The following MYO3B variants were observed in gnomAD, a reference collection of about 807,000 sequenced individuals.
MYO3B encodes the protein myosin IIIB, also known as myosin-IIIb.
A neutral mutation model predicts 174.6 loss-of-function variants in MYO3B; 156 were observed. The ratio of observed to expected loss-of-function variants is 0.89; its 90% CI spans 0.78 to 1.02. The LOEUF (loss-of-function observed/expected upper bound fraction) is 1.02. MYO3B is among the 50% of genes least tolerant of loss of function. The probability of loss-of-function intolerance (pLI) is 0.00; values close to 1 mark genes in which losing one functional copy is unlikely to be tolerated. For synonymous variants in MYO3B, 563 were observed against 569.1 expected, an observed-to-expected ratio of 0.99 and a Z score of 0.15; for missense variants, 1,632 against 1,639.4, an observed-to-expected ratio of 1.00 and a Z score of 0.08.
chr2:170,492,889 G>A (rs1575068517), intron 25 of MYO3B, among the ~76,000 whole-genome samples: 2 of 152,210 alleles, frequency 1.3e-5, no homozygotes, highest in East Asian at 3.9e-4. Flanking sequence ...TGCTGACATG[G>A]GCCAGGTCTC....
At chr2:170,304,821 G>C (rs1440056976) in intron 7 of MYO3B, among the ~76,000 whole-genome samples, 4 of 151,414 alleles carry the variant, frequency 2.6e-5, no homozygotes, top group African/African-American at 9.7e-5. Context: ...ATGTATTATG[G>C]CTCTTAACCC....
At chr2:170,628,622 G>A (rs570134014) in intron 32 of MYO3B, among the ~76,000 whole-genome samples, 17 of 152,170 alleles carry the variant, frequency 1.1e-4, no homozygotes, top group Non-Finnish European at 2.1e-4. Flanking sequence ...CTTCTGCATC[G>A]TTCACGCTGG....
intron 23 of MYO3B, among the ~76,000 whole-genome samples, chr2:170,450,421 C>T (rs1683533901): frequency 6.6e-6 from 1 of 152,166 alleles, no homozygotes; most frequent in Non-Finnish European, 1.5e-5. Flanking sequence ...CACCGTAAGT[C>T]ATTCATTTAG....
Position 170,407,893 on chromosome 2 carries a change from C to G in MYO3B, c.2650+49C>G, listed in dbSNP as rs1558971782. On this transcript the variant is annotated intron_variant, in intron 22 of 34. Coordinates refer to ENST00000408978, the MANE Select transcript of MYO3B (RefSeq NM_138995.5). The stretch of plus-strand genomic sequence containing the variant: ...CCTGCTCTTAAAGCTTTTGCAAGAC[C>G]AGGTGAAATTTTCCAGTTAGTGTCT... 1.9e-6 allele frequency: 3 copies of G among 1,608,054 alleles called. No individual in the cohort carries two copies. In the African/African-American group the frequency reaches 4.0e-5, roughly 22 times the overall value.
chr2:170,202,771 G>A (rs2092676161), intron 3 of MYO3B, among the ~76,000 whole-genome samples: 1 of 152,052 alleles, frequency 6.6e-6, no homozygotes, highest in African/African-American at 2.4e-5. Context: ...CATGCTTTAG[G>A]GGACTCACAC....
rs111431055 is a variant in MYO3B at position 170,572,831 on chromosome 2, C to G, written c.3733+28843C>G. On this transcript the variant is annotated intron_variant, in intron 32 of 34. Transcript: ENST00000408978. ...TCAAATGCACAATGTAATATTATGTCGTGAATCTCCACCTGGTTTCTCACT... is the reference window on the plus strand; with the variant it reads ...TCAAATGCACAATGTAATATTATGTGGTGAATCTCCACCTGGTTTCTCACT... Among the ~76,000 whole-genome samples the G allele has an allele frequency of 3.1e-3, 479 of 152,218 alleles. 2 individuals are homozygous for G. Among genetic ancestry groups the G allele is most frequent in the African/African-American group, 0.011 (454 of 41,540 alleles).
intron 32 of MYO3B, among the ~76,000 whole-genome samples, chr2:170,583,002 C>T (rs965022748): frequency 5.3e-5 from 8 of 152,034 alleles, no homozygotes; most frequent in African/African-American, 1.4e-4. Context: ...CTGGCTGCTC[C>T]TGACAGCTCC....
intron 34 of MYO3B, 77 bp downstream of exon 34, chr2:170,652,231 T>TGCGGCGG: frequency 7.5e-7 from 1 of 1,335,632 alleles, no homozygotes; most frequent in Middle Eastern, 1.9e-4. Context: ...AATGCAAAAC[T>TGCGGCGG]TTCCAGAGAG....
chr2:170,217,805 G>A (rs764495188), intron 6 of MYO3B, among the ~76,000 whole-genome samples: 1 of 152,158 alleles, frequency 6.6e-6, no homozygotes, highest in Non-Finnish European at 1.5e-5. Flanking sequence ...GGTGGCCCTG[G>A]TTGTTTTTTT....
intron 5 of MYO3B, 109 bp downstream of exon 5, chr2:170,214,937 G>A: frequency 1.2e-6 from 1 of 804,800 alleles, no homozygotes; most frequent in Non-Finnish European, 2.1e-6. Flanking sequence ...ATAGGCTGAG[G>A]GACTTTTCCA....
chr2:170,226,042 C>T (rs1017286441), intron 6 of MYO3B, among the ~76,000 whole-genome samples: 3 of 152,188 alleles, frequency 2.0e-5, no homozygotes, highest in Non-Finnish European at 4.4e-5. Flanking sequence ...GCTTTCAGTT[C>T]TCATATTCCA....
chr2:170,400,829 G>GGTTTTTTTTT (rs60401794), intron 17 of MYO3B, among the ~76,000 whole-genome samples: 2 of 150,894 alleles, frequency 1.3e-5, no homozygotes, highest in South Asian at 2.1e-4. Flanking sequence ...TTTGAGCAGT[G>GGTTTTTTTTT]TTTTTTTCTT....
chr2:170,616,116 G>A (rs554401910), intron 32 of MYO3B, among the ~76,000 whole-genome samples: 2 of 152,126 alleles, frequency 1.3e-5, no homozygotes, highest in Non-Finnish European at 1.5e-5. Context: ...ACAAAAGCTG[G>A]TTACAAACAA....
At chr2:170,251,487 G>A (rs915632026) in intron 7 of MYO3B, among the ~76,000 whole-genome samples, 1 of 152,170 alleles carries the variant, frequency 6.6e-6, no homozygotes, top group Non-Finnish European at 1.5e-5. Flanking sequence ...TGGAAATAGG[G>A]TCTTTACAGA....
At chr2:170,639,682 C>A (rs145907344) in intron 32 of MYO3B, among the ~76,000 whole-genome samples, 96 of 152,336 alleles carry the variant, frequency 6.3e-4, no homozygotes, top group Admixed American at 1.2e-3. Context: ...CCTCCTGAGA[C>A]CGCAGAGTTT....
intron 30 of MYO3B, among the ~76,000 whole-genome samples, chr2:170,542,125 G>A (rs1277355880): frequency 6.6e-6 from 1 of 152,150 alleles, no homozygotes; most frequent in African/African-American, 2.4e-5. Context: ...TGTCACATGT[G>A]TGCGTGTGTG....
chr2:170,178,249 C>T lies in MYO3B; in HGVS notation c.-39C>T. On this transcript the variant is annotated 5_prime_UTR_variant, in exon 1 of 35. Coordinates refer to ENST00000408978, the MANE Select transcript of MYO3B (RefSeq NM_138995.5). The stretch of plus-strand genomic sequence containing the variant: ...TGCTGGTTTTTGGAGGAATGAGAAT[C>T]CAATCTCTCATAAGCCGGATTCAGA... 6.2e-7 allele frequency: 1 copy of T among 1,613,804 alleles called. No individual in the cohort carries two copies. Among genetic ancestry groups the T allele is most frequent in the Non-Finnish European group, 8.5e-7 (1 of 1,179,676 alleles).
At chr2:170,360,338 T>C (rs146575171) in intron 8 of MYO3B, among the ~76,000 whole-genome samples, 202 of 152,240 alleles carry the variant, frequency 1.3e-3, no homozygotes, top group African/African-American at 4.5e-3. Flanking sequence ...AAAATGGAAA[T>C]TGATTTTCGA....
intron 25 of MYO3B, among the ~76,000 whole-genome samples, chr2:170,479,639 A>T (rs1353583629): frequency 6.8e-6 from 1 of 146,580 alleles, no homozygotes; most frequent in African/African-American, 2.5e-5. Context: ...GGTTTTATAT[A>T]TACATATATA....
Sources: allele counts gnomAD v4.1 joint callset (sites outside exome capture counted in the v4.1 genomes callset), GRCh38; gene constraint gnomAD v4.1.1; transcripts MANE v1.5; gene names NCBI Gene and HGNC (gene_info 2026-07-23, HGNC 2026-07-21).